ITGAE: variants seen among roughly 807,000 people sequenced by gnomAD.
ITGAE encodes integrin alpha-E.
ITGAE carries 99 observed loss-of-function variants against 136.5 expected under a neutral mutation model. The observed-to-expected ratio is 0.73, with a 90% CI of 0.62 to 0.86. The LOEUF (loss-of-function observed/expected upper bound fraction) is 0.86. ITGAE is among the 40% of genes least tolerant of loss of function. The pLI is 0.00. For missense variants in ITGAE, 1,447 were observed against 1,515.3 expected, an observed-to-expected ratio of 0.95 and a Z score of 0.75; for synonymous variants, 613 against 591.8, an observed-to-expected ratio of 1.04 and a Z score of -0.52.
At chr17:3,741,551 A>C (rs975148647) in intron 19 of ITGAE, among the ~76,000 whole-genome samples, 1 of 152,118 alleles carries the variant, frequency 6.6e-6, no homozygotes, top group Admixed American at 6.6e-5. Flanking sequence ...TTATACGGGG[A>C]ATAACTTTTT....
At chr17:3,736,422 C>G (rs2051461012) in intron 20 of ITGAE, among the ~76,000 whole-genome samples, 1 of 152,176 alleles carries the variant, frequency 6.6e-6, no homozygotes, top group Non-Finnish European at 1.5e-5. Flanking sequence ...CACTGTGACC[C>G]TAGGTGAGGT....
Position 3,747,990 on chromosome 17 carries a change from C to A in ITGAE, c.2087G>T (p.Gly696Val). Reference sequence around the variant, plus strand: ...ACGGACATTCACGACGCCGTTGAAGCCGATGGGCAGTGCGCTGGGGGTGAA... The same window carrying A: ...ACGGACATTCACGACGCCGTTGAAGACGATGGGCAGTGCGCTGGGGGTGAA... ...MAFTPSALPI[G>V]FNGVVNVRLC... Residue 696 changes from glycine (G) to valine (V), a missense_variant, in exon 17 of 31, where the codon GGC becomes GTC. This residue lies in a region of ITGAE where 1,031 missense variants were observed against 1,011.4 expected (regional missense o/e 1.02). Transcript: ENST00000263087. The A allele has an allele frequency of 6.2e-7, 1 of 1,613,494 alleles. No homozygotes were observed.
At chr17:3,795,770 C>CGT (rs2053051473) in intron 1 of ITGAE, among the ~76,000 whole-genome samples, 1 of 143,130 alleles carries the variant, frequency 7.0e-6, no homozygotes, top group Admixed American at 6.7e-5. Flanking sequence ...AGACTGTGTA[C>CGT]GTGCGTGTGT....
At chr17:3,735,037 G>GC in intron 20 of ITGAE, 88 bp from the exon 21 acceptor site, 1 of 1,470,072 alleles carries the variant, frequency 6.8e-7, no homozygotes, top group South Asian at 1.2e-5. Flanking sequence ...CGAGGCTAGA[G>GC]CGTGGTGCTG....
chr17:3,798,351 TG>T lies in ITGAE; in HGVS notation c.34+2759del, dbSNP rs1380781347. On this transcript the variant is annotated intron_variant, in intron 1 of 30. Coordinates refer to ENST00000263087, the MANE Select transcript of ITGAE (RefSeq NM_002208.5). This position sits in a 1 kb window ranked among gnomAD's most constrained non-coding sequence, Gnocchi z 4.3. ...CTCCAGGGCCCAGCATGTCCCGATT[TG>T]GGGCGGGGCTGGAAGGGAAAGCAAC... 3.3e-5 allele frequency among the ~76,000 whole-genome samples: 5 copies of T among 152,274 alleles called. No homozygotes were observed. Among genetic ancestry groups the T allele is most frequent in the Middle Eastern group, 3.4e-3 (1 of 294 alleles).
chr17:3,743,198 A>G (rs1280362240), intron 19 of ITGAE, among the ~76,000 whole-genome samples: 2 of 152,240 alleles, frequency 1.3e-5, no homozygotes, highest in Non-Finnish European at 2.9e-5. Flanking sequence ...CCAGGATGCA[A>G]TGTATGCATG....
At chr17:3,733,040 G>C (rs1361219279) in intron 21 of ITGAE, among the ~76,000 whole-genome samples, 1 of 152,146 alleles carries the variant, frequency 6.6e-6, no homozygotes, top group Non-Finnish European at 1.5e-5. Flanking sequence ...CTGCAGTGAA[G>C]TGGCGCGATC....
At chr17:3,747,625 T>C (rs1457238949) in intron 17 of ITGAE, among the ~76,000 whole-genome samples, 1 of 152,174 alleles carries the variant, frequency 6.6e-6, no homozygotes, top group Non-Finnish European at 1.5e-5. Context: ...GTCTTTTTTT[T>C]CAGAAACTCA....
At chr17:3,724,131 C>T (rs1418417766) in intron 26 of ITGAE, 2 of 1,594,300 alleles carry the variant, frequency 1.3e-6, no homozygotes, top group Non-Finnish European at 1.7e-6. Flanking sequence ...TCCTGACGAT[C>T]CCGACGACCC....
At chr17:3,725,244 C>T (rs763798151) in intron 26 of ITGAE, 58 of 1,614,008 alleles carry the variant, frequency 3.6e-5, no homozygotes, top group African/African-American at 5.3e-5. Flanking sequence ...GTCCTCTTGG[C>T]ACTCCTCCTC....
intron 15 of ITGAE, among the ~76,000 whole-genome samples, 196 bp downstream of exon 15, chr17:3,751,454 C>T (rs1028844647): frequency 6.6e-6 from 1 of 151,664 alleles, no homozygotes; most frequent in African/African-American, 2.4e-5. Context: ...AACCTCCCCC[C>T]AACCTGAAGG....
intron 2 of ITGAE, among the ~76,000 whole-genome samples, chr17:3,767,084 C>A (rs1185740114): frequency 6.6e-6 from 1 of 151,614 alleles, no homozygotes; most frequent in Non-Finnish European, 1.5e-5. Context: ...GGTTCTCTCT[C>A]CAAATTCTTT....
intron 26 of ITGAE, among the ~76,000 whole-genome samples, chr17:3,727,324 A>G (rs2051236707): frequency 6.6e-6 from 1 of 152,166 alleles, no homozygotes; most frequent in Admixed American, 6.6e-5. Flanking sequence ...CACATGTTAC[A>G]TCGCTCACAC....
intron 18 of ITGAE, among the ~76,000 whole-genome samples, chr17:3,744,297 C>T (rs1429964513): frequency 1.3e-5 from 2 of 152,114 alleles, no homozygotes; most frequent in East Asian, 1.9e-4. Context: ...AAGCAAGCTG[C>T]CAAGTGCTTT....
chr17:3,735,319 C>T, intron 20 of ITGAE, among the ~76,000 whole-genome samples: 1 of 152,204 alleles, frequency 6.6e-6, no homozygotes, highest in East Asian at 1.9e-4. Flanking sequence ...AGGCACGCGC[C>T]ACCATGCCTG....
chr17:3,796,988 G>A (rs117642102), intron 1 of ITGAE, among the ~76,000 whole-genome samples: 1 of 147,456 alleles, frequency 6.8e-6, no homozygotes, highest in African/African-American at 2.5e-5. Context: ...GCAGCCAGCC[G>A]CAGTCCCCCC....
chr17:3,725,702 C>G (rs1490234361), intron 26 of ITGAE: 1 of 1,575,180 alleles, frequency 6.3e-7, no homozygotes. Context: ...CTGCAAATGA[C>G]CGGCCTGATT....
intron 20 of ITGAE, among the ~76,000 whole-genome samples, chr17:3,738,315 C>T (rs1476538272): frequency 6.6e-5 from 10 of 152,070 alleles, no homozygotes; most frequent in South Asian, 2.1e-4. Flanking sequence ...TGATTACAGG[C>T]GCCCACCACC....
In ITGAE at chr17:3,751,960, G is replaced by A. The variant is rs534638305; in HGVS notation, c.1669-86C>T. The A allele has an allele frequency of 1.6e-3, 1,860 of 1,180,826 alleles. 11 individuals are homozygous for A. The highest frequency in any genetic ancestry group is 0.014 in the African/African-American group (939 of 66,448). The allele number at this position is 1,180,826 out of a possible 1,614,324, so 73.1% of individuals were successfully genotyped here. ...CACCCCGATGCACGCTCACTGGGCC[G>A]GTGGGTGCCCACTCCATTGCCACCC... On this transcript the variant is annotated intron_variant, in intron 14 of 30. Coordinates refer to ENST00000263087, the MANE Select transcript of ITGAE (RefSeq NM_002208.5).
Sources: allele counts gnomAD v4.1 joint callset (sites outside exome capture counted in the v4.1 genomes callset), GRCh38; gene constraint gnomAD v4.1.1; regional missense constraint gnomAD v4.1.1; non-coding constraint Gnocchi (gnomAD v3.1); transcripts MANE v1.5; gene names NCBI Gene and HGNC (gene_info 2026-07-23, HGNC 2026-07-21).